The following XKR4 variants were observed in gnomAD, a reference collection of about 807,000 sequenced individuals.
The protein encoded by XKR4 is XK related 4.
Under a neutral mutation model 53.9 loss-of-function variants are expected in XKR4, and 12 were observed. The observed-to-expected ratio is 0.22, with a 90% confidence interval of 0.14 to 0.36. The LOEUF is 0.36. XKR4 is among the 10% of genes least tolerant of loss of function. The pLI is 1.00. For missense variants in XKR4, 799 were observed against 859.5 expected, an observed-to-expected ratio of 0.93 and a Z score of 0.88; for synonymous variants, 354 against 362.4, an observed-to-expected ratio of 0.98 and a Z score of 0.26.
chr8:55,454,612 G>C, intron 2 of XKR4: 1 of 1,304,476 alleles, frequency 7.7e-7, no homozygotes, highest in African/African-American at 1.4e-5. Flanking sequence ...CAAATAAATC[G>C]TCCTCTACTA....
intron 2 of XKR4, among the ~76,000 whole-genome samples, chr8:55,447,934 G>T (rs1805369972): frequency 6.6e-6 from 1 of 152,162 alleles, no homozygotes; most frequent in Non-Finnish European, 1.5e-5. Flanking sequence ...ACAGTAAATT[G>T]TGTCTGTCAA....
intron 1 of XKR4, among the ~76,000 whole-genome samples, chr8:55,228,081 AT>A (rs1405521289): frequency 3.9e-5 from 6 of 152,086 alleles, no homozygotes; most frequent in South Asian, 4.2e-4. Flanking sequence ...TAATTTTTGT[AT>A]TTTTAGTAGA....
intron 1 of XKR4, among the ~76,000 whole-genome samples, chr8:55,191,583 C>G (rs1449699611): frequency 6.6e-6 from 1 of 151,822 alleles, no homozygotes. Context: ...GTCATTAAGT[C>G]GTTCAGCCAT....
chr8:55,163,924 T>A (rs1407265370), intron 1 of XKR4, among the ~76,000 whole-genome samples: 4 of 152,214 alleles, frequency 2.6e-5, no homozygotes, highest in African/African-American at 4.8e-5. Flanking sequence ...TGATCATGTG[T>A]GCTCTTTAAA....
chr8:55,161,336 T>C (rs1816981574), intron 1 of XKR4: 1 of 348,568 alleles, frequency 2.9e-6, no homozygotes, highest in Admixed American at 3.9e-5. Context: ...TTTAGACTTA[T>C]TCAAATGTGT....
chr8:55,392,135 T>C (rs1003581371), intron 2 of XKR4, among the ~76,000 whole-genome samples: 1 of 152,206 alleles, frequency 6.6e-6, no homozygotes, highest in Non-Finnish European at 1.5e-5. Context: ...TTCCTGAAGC[T>C]TTGTGTTTTG....
At chr8:55,177,400 C>T (rs1271967151) in intron 1 of XKR4, among the ~76,000 whole-genome samples, 1 of 152,150 alleles carries the variant, frequency 6.6e-6, no homozygotes, top group African/African-American at 2.4e-5. Context: ...GTACTGGGCT[C>T]CCACCCAGGG....
chr8:55,151,543 A>T (rs1816839829), intron 1 of XKR4, among the ~76,000 whole-genome samples: 1 of 152,228 alleles, frequency 6.6e-6, no homozygotes. Context: ...CAAAAAATAG[A>T]TTATCATAAT....
chr8:55,344,332 C>T (rs189145607), intron 1 of XKR4, among the ~76,000 whole-genome samples: 166 of 152,296 alleles, frequency 1.1e-3, no homozygotes, highest in Non-Finnish European at 2.1e-3. Flanking sequence ...CACAGACACT[C>T]GGTGCTTTCC....
chr8:55,444,806 C>T (rs1805321794), intron 2 of XKR4, among the ~76,000 whole-genome samples: 1 of 152,210 alleles, frequency 6.6e-6, no homozygotes, highest in Non-Finnish European at 1.5e-5. Context: ...ATATACACAG[C>T]CCCAAAACTC....
At chr8:55,495,081 C>T (rs1365614754) in intron 2 of XKR4, among the ~76,000 whole-genome samples, 2 of 152,182 alleles carry the variant, frequency 1.3e-5, no homozygotes, top group African/African-American at 2.4e-5. Context: ...TGTCAGTGCC[C>T]AAAGTCCAGA....
At chr8:55,157,538 A>G (rs1816925143) in intron 1 of XKR4, among the ~76,000 whole-genome samples, 1 of 151,972 alleles carries the variant, frequency 6.6e-6, no homozygotes, top group South Asian at 2.1e-4. Context: ...AAAAACTTTT[A>G]GGTTCAAGGG....
chr8:55,492,516 A>G (rs1351726505), intron 2 of XKR4, among the ~76,000 whole-genome samples: 1 of 152,226 alleles, frequency 6.6e-6, no homozygotes, highest in Non-Finnish European at 1.5e-5. Flanking sequence ...CACAACACTG[A>G]TTGTACTGAT....
intron 1 of XKR4, among the ~76,000 whole-genome samples, chr8:55,186,548 C>G (rs1219096184): frequency 1.3e-5 from 2 of 151,886 alleles, no homozygotes; most frequent in Admixed American, 1.3e-4. Context: ...CCCAGCTACT[C>G]AGGAGGCTGA....
Position 55,168,256 on chromosome 8 carries a change from G to A in XKR4, c.806+64962G>A, listed in dbSNP as rs143491911. On this transcript the variant is annotated intron_variant, in intron 1 of 2. Transcript: ENST00000327381. ...AAGTGGGACCCTGAGTAGAAGAGCT[G>A]TTTCCATTTCCCTTGCTGTTTTTGG... Among the ~76,000 whole-genome samples the A allele has an allele frequency of 2.0e-5, 3 of 152,194 alleles. No homozygotes were observed. In the East Asian group the frequency reaches 5.8e-4, roughly 29 times the overall value.
At chr8:55,214,605 C>T (rs1817776418) in intron 1 of XKR4, among the ~76,000 whole-genome samples, 1 of 152,142 alleles carries the variant, frequency 6.6e-6, no homozygotes, top group African/African-American at 2.4e-5. Flanking sequence ...ACCACAGATT[C>T]ATTTAGGAAA....
intron 1 of XKR4, among the ~76,000 whole-genome samples, chr8:55,333,899 G>T (rs1055406134): frequency 6.6e-6 from 1 of 152,160 alleles, no homozygotes; most frequent in Admixed American, 6.5e-5. Flanking sequence ...AAATGTTGTA[G>T]CATTTTAAAT....
At chr8:55,214,372 A>G (rs942138078) in intron 1 of XKR4, among the ~76,000 whole-genome samples, 68 of 152,178 alleles carry the variant, frequency 4.5e-4, no homozygotes, top group African/African-American at 1.6e-3. Context: ...TAATTTTCAC[A>G]GTGCTTAACT....
chr8:55,347,385 A>G (rs1250030981), intron 1 of XKR4, among the ~76,000 whole-genome samples: 1 of 152,178 alleles, frequency 6.6e-6, no homozygotes, highest in Non-Finnish European at 1.5e-5. Context: ...GTCCGTGTGC[A>G]TGGTGTAGTG....
Sources: allele counts gnomAD v4.1 joint callset (sites outside exome capture counted in the v4.1 genomes callset), GRCh38; gene constraint gnomAD v4.1.1; transcripts MANE v1.5; gene names NCBI Gene and HGNC (gene_info 2026-07-23, HGNC 2026-07-21).